The following ANO1 variants were observed in gnomAD, a reference collection of about 807,000 sequenced individuals.
ANO1 encodes the protein anoctamin 1, also known as anoctamin-1.
A neutral mutation model predicts 124.0 loss-of-function variants in ANO1; 59 were observed. That is an observed-to-expected ratio of 0.48 (90% CI 0.39 to 0.59). The LOEUF (loss-of-function observed/expected upper bound fraction) is 0.59. Among genes scored for constraint, ANO1 ranks in the 20% least tolerant of loss-of-function variants. The pLI, the probability that ANO1 is intolerant of heterozygous loss-of-function variation, is 0.00. For missense variants in ANO1, 1,059 were observed against 1,328.0 expected (o/e 0.80, Z 3.15); for synonymous variants, 529 against 532.0 (o/e 0.99, Z 0.08).
At chr11:70,068,366 C>G (rs117384500) in intron 1 of ANO1, among the ~76,000 whole-genome samples, 1 of 152,226 alleles carries the variant, frequency 6.6e-6, no homozygotes, top group African/African-American at 2.4e-5. Context: ...AGGACATTAG[C>G]TCATTTGTTC....
At chr11:70,132,119 T>A in intron 11 of ANO1, 40 bp downstream of exon 11, 1 of 1,544,778 alleles carries the variant, frequency 6.5e-7, no homozygotes, top group Non-Finnish European at 8.7e-7. Flanking sequence ...TGGGCAGTGG[T>A]GAGTCTGAGT....
chr11:69,985,850 G>A (rs1160101419), upstream of ANO1: 1 of 152,246 alleles, frequency 6.6e-6, no homozygotes, highest in Admixed American at 6.5e-5. Context: ...CCGGGGGGTG[G>A]GGAGGTCTGC....
intron 24 of ANO1, among the ~76,000 whole-genome samples, chr11:70,184,758 C>G (rs898201090): frequency 6.6e-6 from 1 of 152,076 alleles, no homozygotes; most frequent in African/African-American, 2.4e-5. Flanking sequence ...GTTTGGTTTG[C>G]TTTTTTTAGA....
chr11:70,083,426 G>A (rs1164343052), intron 1 of ANO1, among the ~76,000 whole-genome samples: 1 of 151,986 alleles, frequency 6.6e-6, no homozygotes, highest in Non-Finnish European at 1.5e-5. Context: ...TCTTGATCAG[G>A]CCCCAGTGCT....
chr11:70,033,469 C>G (rs1239973709), intron 1 of ANO1, among the ~76,000 whole-genome samples: 2 of 152,210 alleles, frequency 1.3e-5, no homozygotes, highest in Admixed American at 6.5e-5. Flanking sequence ...CTCCAGGCTC[C>G]TGCCTTGGGT....
chr11:70,164,179 C>T (rs538985016), intron 19 of ANO1, among the ~76,000 whole-genome samples: 6 of 152,286 alleles, frequency 3.9e-5, no homozygotes, highest in East Asian at 3.9e-4. Context: ...CAGACCAAGC[C>T]GGGGCTTCAG....
In ANO1 at chr11:70,185,842, A is replaced by C. The variant is rs573072596; in HGVS notation, c.2694+147A>C. The C allele has an allele frequency of 1.8e-4, 162 of 886,000 alleles. 1 individual carries two copies. Among genetic ancestry groups the C allele is most frequent in the Middle Eastern group, 1.3e-3 (4 of 3,044 alleles). The allele number at this position is 886,000 out of a possible 1,614,324, so 54.9% of individuals were successfully genotyped here. A position where few individuals can be genotyped will look rare whatever the true frequency, so the allele number is the denominator to read the frequency against. Reference sequence around the variant, plus strand: ...TGGAGAACTTGCTCTGGGACACCCGAGGAGGGGACTTGGCCGACCCCAGGC... The same window carrying C: ...TGGAGAACTTGCTCTGGGACACCCGCGGAGGGGACTTGGCCGACCCCAGGC... On this transcript the variant is annotated intron_variant, in intron 25 of 25. Coordinates refer to ENST00000355303, the MANE Select transcript of ANO1 (RefSeq NM_018043.7).
intron 19 of ANO1, 31 bp downstream of exon 19, chr11:70,163,371 C>T (rs1244352976): frequency 1.9e-6 from 3 of 1,612,126 alleles, no homozygotes; most frequent in Non-Finnish European, 2.5e-6. Context: ...CTCTGGCAGC[C>T]CCTTCTGTCT....
At chr11:70,111,612 T>C in intron 6 of ANO1, 95 bp from the exon 7 acceptor site, 7 of 1,214,442 alleles carry the variant, frequency 5.8e-6, no homozygotes, top group Non-Finnish European at 8.5e-6. Flanking sequence ...GAGAAGCTCT[T>C]AGTGGCTGAG....
intron 22 of ANO1, among the ~76,000 whole-genome samples, chr11:70,175,132 G>A (rs2048642346): frequency 6.6e-6 from 1 of 152,318 alleles, no homozygotes; most frequent in Admixed American, 6.5e-5. Context: ...CAGGGTGAAA[G>A]GGAGCAGCAG....
chr11:70,031,196 T>G (rs140243939), intron 1 of ANO1, among the ~76,000 whole-genome samples: 1 of 152,334 alleles, frequency 6.6e-6, no homozygotes, highest in Non-Finnish European at 1.5e-5. Flanking sequence ...CCTCCCACCT[T>G]GGTCTCCCCA....
intron 16 of ANO1, among the ~76,000 whole-genome samples, chr11:70,159,617 T>C (rs1329627604): frequency 2.6e-5 from 4 of 152,186 alleles, no homozygotes; most frequent in Non-Finnish European, 5.9e-5. Flanking sequence ...GCGGGGGAGA[T>C]GGACCAGGGA....
chr11:70,096,001 A>G (rs1468094788), intron 2 of ANO1, among the ~76,000 whole-genome samples: 2 of 152,030 alleles, frequency 1.3e-5, no homozygotes, highest in South Asian at 2.1e-4. Context: ...AGCATAGCTG[A>G]TTTATTACCC....
intron 25 of ANO1, among the ~76,000 whole-genome samples, chr11:70,186,000 CAG>C (rs894483772): frequency 3.9e-5 from 6 of 152,080 alleles, no homozygotes; most frequent in Non-Finnish European, 7.4e-5. Context: ...TTGAAAGAGA[CAG>C]GGGCCAGGCA....
chr11:70,085,609 C>A, intron 1 of ANO1: 2 of 1,535,124 alleles, frequency 1.3e-6, no homozygotes, highest in Non-Finnish European at 1.7e-6. Flanking sequence ...GGGACATGGC[C>A]CCAACTGTCC....
chr11:70,144,728 C>T (rs1005874643), intron 11 of ANO1, among the ~76,000 whole-genome samples: 4 of 152,230 alleles, frequency 2.6e-5, no homozygotes, highest in East Asian at 1.9e-4. Flanking sequence ...TTGGCCACCT[C>T]GTAAGGCTGC....
At chr11:70,166,137 G>T (rs1461491013) in intron 20 of ANO1, among the ~76,000 whole-genome samples, 5 of 152,036 alleles carry the variant, frequency 3.3e-5, no homozygotes, top group African/African-American at 1.2e-4. Context: ...GGCCAACATG[G>T]TGAAACCCCA....
intron 1 of ANO1, among the ~76,000 whole-genome samples, chr11:70,067,780 C>T (rs548248164): frequency 9.6e-4 from 146 of 152,292 alleles, no homozygotes; most frequent in African/African-American, 3.4e-3. Context: ...CTTGGGCAGT[C>T]GACCCCTCCT....
chr11:70,021,681 C>T (rs996481455), intron 1 of ANO1, among the ~76,000 whole-genome samples: 2 of 152,156 alleles, frequency 1.3e-5, no homozygotes, highest in Admixed American at 6.5e-5. Context: ...GAAATTCCAG[C>T]GGTGACATTT....
Sources: gnomAD v4.1 joint callset for allele counts (sites outside exome capture counted in the v4.1 genomes callset) on GRCh38, gnomAD v4.1.1 for gene constraint, MANE v1.5 for transcripts, NCBI Gene and HGNC (gene_info 2026-07-23, HGNC 2026-07-21) for gene names.